Variants in PCDHGA11 observed in about 807,000 individuals in gnomAD.
PCDHGA11 encodes the protein protocadherin gamma subfamily A, 11, also known as protocadherin gamma-A11.
Under a neutral mutation model 60.4 loss-of-function variants are expected in PCDHGA11, and 39 were observed. The observed-to-expected ratio is 0.65, with a 90% CI of 0.50 to 0.84. The LOEUF is 0.84. PCDHGA11 is among the 40% of genes least tolerant of loss of function. PCDHGA11 has a pLI of 0.00. For synonymous variants in PCDHGA11, 533 were observed against 510.3 expected, an observed-to-expected ratio of 1.04 and a Z score of -0.60; for missense variants, 1,165 against 1,197.7, an observed-to-expected ratio of 0.97 and a Z score of 0.40.
In PCDHGA11 at chr5:141,491,607, T is replaced by G; in HGVS notation, c.2434-3200T>G. On this transcript the variant is annotated intron_variant, in intron 1 of 3. Coordinates refer to ENST00000398587, the MANE Select transcript of PCDHGA11 (RefSeq NM_018914.3). The surrounding 1 kb of genome is among the most constrained non-coding windows in gnomAD (Gnocchi z 6.9). ...CCTCGGACGGCAGTGACTTCACTTT[T>G]CTAAGACCCCTCAGCGTTCAGCAGC... 6.2e-7 allele frequency: 1 copy of G among 1,613,932 alleles called. No homozygotes were observed. The highest frequency in any genetic ancestry group is 1.1e-5 in the South Asian group (1 of 91,084).
chr5:141,427,294 A>G (rs1239553754), intron 1 of PCDHGA11: 6 of 456,876 alleles, frequency 1.3e-5, no homozygotes, highest in Non-Finnish European at 2.2e-5. Context: ...GAAATCCTAG[A>G]TGAGAATGAC....
At position 141,477,460 on chromosome 5, in the gene PCDHGA11, C is replaced by T; in HGVS notation, c.2434-17347C>T. 6.2e-7 allele frequency: 1 copy of T among 1,614,132 alleles called. No individual in the cohort carries two copies. Among genetic ancestry groups the T allele is most frequent in the Non-Finnish European group, 8.5e-7 (1 of 1,180,020 alleles). On this transcript the variant is annotated intron_variant, in intron 1 of 3. Transcript: ENST00000398587. The surrounding 1 kb of genome is among the most constrained non-coding windows in gnomAD (Gnocchi z 4.9). ...TTACAATAGTGCGTGTTCAAGTGTC[C>T]GACATCAATGACAACCCTCCACAAT...
chr5:141,476,071 T>A lies in PCDHGA11; in HGVS notation c.2434-18736T>A. On this transcript the variant is annotated intron_variant, in intron 1 of 3. Transcript: ENST00000398587. The surrounding 1 kb of genome is among the most constrained non-coding windows in gnomAD (Gnocchi z 7.6). ...CCGCTGAAAGTTTCTCAGCGAAATC[T>A]CAGGGACGATCTGGACCCCGCTGAG... 6.6e-7 allele frequency: 1 copy of A among 1,522,792 alleles called. No individual in the cohort carries two copies. The highest frequency in any genetic ancestry group is 8.8e-7 in the Non-Finnish European group (1 of 1,142,680). 94.3% of individuals were successfully genotyped at this position (1,522,792 alleles called of 1,614,324 possible).
intron 1 of PCDHGA11, among the ~76,000 whole-genome samples, chr5:141,481,794 A>C (rs1433830305): frequency 6.6e-6 from 1 of 152,136 alleles, no homozygotes; most frequent in East Asian, 1.9e-4. Context: ...TCTACTAAAA[A>C]TACAAAAATT....
At chr5:141,452,193 G>A (rs764434048) in intron 1 of PCDHGA11, among the ~76,000 whole-genome samples, 3 of 151,990 alleles carry the variant, frequency 2.0e-5, no homozygotes, top group Admixed American at 6.6e-5. Context: ...ACCTCAAATT[G>A]TTTTAGATGT....
Position 141,485,856 on chromosome 5 carries a change from T to C in PCDHGA11, c.2434-8951T>C. ...CCGCCGAGATCTGGCACCGCAGAGC[T>C]CCGGGTATCCGTGCTGGACGTAAAC... is the stretch of plus-strand genomic sequence containing the variant. On this transcript the variant is annotated intron_variant, in intron 1 of 3. Coordinates refer to ENST00000398587, the MANE Select transcript of PCDHGA11 (RefSeq NM_018914.3). The surrounding 1 kb of genome is among the most constrained non-coding windows in gnomAD (Gnocchi z 5.7). 1 of 1,614,108 alleles carries C rather than the reference T, an allele frequency of 6.2e-7. No individual in the cohort carries two copies. The highest frequency in any genetic ancestry group is 8.5e-7 in the Non-Finnish European group (1 of 1,180,014).
intron 1 of PCDHGA11, among the ~76,000 whole-genome samples, chr5:141,447,898 C>T (rs531933709): frequency 3.1e-3 from 465 of 152,088 alleles, no homozygotes; most frequent in Non-Finnish European, 5.5e-3. Context: ...CCAGCCTGGC[C>T]AACATGGTGA....
At position 141,511,519 on chromosome 5, in the gene PCDHGA11, C is replaced by A; in HGVS notation, c.*346C>A. On this transcript the variant is annotated 3_prime_UTR_variant, in exon 4 of 4. Transcript: ENST00000398587. ...CCAAATCAATCAGGCCCATCCATCC[C>A]ATGCCTCCCTCCTCCCCACCCCACT... 2.7e-6 allele frequency: 1 copy of A among 367,516 alleles called. No individual in the cohort carries two copies. The highest frequency in any genetic ancestry group is 2.7e-5 in the South Asian group (1 of 36,848). 22.8% of individuals were successfully genotyped at this position (367,516 alleles called of 1,614,324 possible). A position where few individuals can be genotyped will look rare whatever the true frequency, so the allele number is the denominator to read the frequency against.
At chr5:141,427,826 G>A (rs550161736) in intron 1 of PCDHGA11, 2 of 1,536,500 alleles carry the variant, frequency 1.3e-6, no homozygotes, top group Admixed American at 3.3e-5. Flanking sequence ...TGGTGGTCGC[G>A]CAGCGTGCCT....
At chr5:141,455,860 A>ATTAT (rs145569377) in intron 1 of PCDHGA11, among the ~76,000 whole-genome samples, 7,190 of 139,786 alleles carry the variant, frequency 0.051, 228 homozygotes, top group South Asian at 0.064. Context: ...AATTTCTTTT[A>ATTAT]TTATTTATTT....
At position 141,508,878 on chromosome 5, in the gene PCDHGA11, C is replaced by A. The variant is rs189735747; in HGVS notation, c.2582-2069C>A. The stretch of plus-strand genomic sequence containing the variant: ...GGCTGGGAAAGGCTGAAGAGGCTGA[C>A]GGCTGGAGGGGAGGGGGCGGGGCGG... On this transcript the variant is annotated intron_variant, in intron 3 of 3. Transcript: ENST00000398587. Among the ~76,000 whole-genome samples, 561 of 152,074 alleles carry A rather than the reference C, an allele frequency of 3.7e-3. 3 individuals carry two copies. The highest frequency in any genetic ancestry group is 0.012 in the African/African-American group (508 of 41,498).
intron 1 of PCDHGA11, chr5:141,430,896 G>A: frequency 6.2e-7 from 1 of 1,606,012 alleles, no homozygotes; most frequent in Admixed American, 1.7e-5. Context: ...TCTAGGGTGG[G>A]CGACATCTCC....
chr5:141,432,601 G>C lies in PCDHGA11; in HGVS notation c.2433+8941G>C. The C allele has an allele frequency of 6.2e-7, 1 of 1,613,952 alleles. No homozygotes were observed. The highest frequency in any genetic ancestry group is 8.5e-7 in the Non-Finnish European group (1 of 1,179,984). On this transcript the variant is annotated intron_variant, in intron 1 of 3. Coordinates refer to ENST00000398587, the MANE Select transcript of PCDHGA11 (RefSeq NM_018914.3). The surrounding 1 kb of genome is among the most constrained non-coding windows in gnomAD (Gnocchi z 6.0). ...ACCGTCTGCTCAAGGCCAGCGAGCC[G>C]GGACTCTTCTCGGTGGGTCTGCACA...
Position 141,459,563 on chromosome 5 carries a change from C to T in PCDHGA11, c.2434-35244C>T, listed in dbSNP as rs1382676727. On this transcript the variant is annotated intron_variant, in intron 1 of 3. Coordinates refer to ENST00000398587, the MANE Select transcript of PCDHGA11 (RefSeq NM_018914.3). ...TTTTATTTCTCTTGGATAAATACCCCAAAACAGAATTGTTTTGGGGGTCAT... is the reference window on the plus strand; with the variant it reads ...TTTTATTTCTCTTGGATAAATACCCTAAAACAGAATTGTTTTGGGGGTCAT... Among the ~76,000 whole-genome samples, 21 of 152,044 alleles carry T rather than the reference C, an allele frequency of 1.4e-4. 1 individual carries two copies.
At position 141,491,410 on chromosome 5, in the gene PCDHGA11, G is replaced by A. The variant is rs777207581; in HGVS notation, c.2434-3397G>A. The A allele has an allele frequency of 1.9e-6, 3 of 1,614,024 alleles. No homozygotes were observed. Among genetic ancestry groups the A allele is most frequent in the Admixed American group, 1.7e-5 (1 of 60,006 alleles). ...GTGCCTTCAGGGAAACGCAGACGGGGACGGGGGTGGAGGGCAGTGCTGCAG... is the reference window on the plus strand; with the variant it reads ...GTGCCTTCAGGGAAACGCAGACGGGAACGGGGGTGGAGGGCAGTGCTGCAG... On this transcript the variant is annotated intron_variant, in intron 1 of 3. Transcript: ENST00000398587. The surrounding 1 kb of genome is among the most constrained non-coding windows in gnomAD (Gnocchi z 6.9).
Position 141,421,895 on chromosome 5 carries a change from G to A in PCDHGA11, c.668G>A (p.Arg223Gln). ...LTALDGGDPI[R>Q]KGAVPIRVVV... Reference sequence around the variant, plus strand: ...GCTTTAGATGGAGGCGATCCCATCCGAAAGGGCGCAGTTCCCATTCGTGTG... The same window carrying A: ...GCTTTAGATGGAGGCGATCCCATCCAAAAGGGCGCAGTTCCCATTCGTGTG... Residue 223 changes from arginine to glutamine, a missense_variant, in exon 1 of 4, where the codon CGA becomes CAA. By Grantham distance (43) the Arg-to-Gln change is conservative. Transcript: ENST00000398587. 1 of 1,613,730 alleles carries A rather than the reference G, an allele frequency of 6.2e-7. No individual in the cohort carries two copies. Among genetic ancestry groups the A allele is most frequent in the African/African-American group, 1.3e-5 (1 of 75,044 alleles).
rs760086052 is a variant in PCDHGA11, at chr5:141,423,183, G to GCCCCCTCTCTCGGCCAC, written c.1958_1974dup (p.Val659ProfsTer90). 8 of 1,613,570 alleles carry GCCCCCTCTCTCGGCCAC rather than the reference G, an allele frequency of 5.0e-6. No individual in the cohort carries two copies. The highest frequency in any genetic ancestry group is 6.8e-6 in the Non-Finnish European group (8 of 1,179,976). ...TGGTGGCCGTCCAGGACCACGGCCA[G>GCCCCCTCTCTCGGCCAC]CCCCCTCTCTCGGCCACCGTCACGC... On this transcript the variant is annotated frameshift_variant, in exon 1 of 4. Coordinates refer to ENST00000398587, the MANE Select transcript of PCDHGA11 (RefSeq NM_018914.3). LOFTEE classifies it high-confidence loss of function.
chr5:141,487,455 A>G lies in PCDHGA11; in HGVS notation c.2434-7352A>G, dbSNP rs751456631. 6.2e-7 allele frequency: 1 copy of G among 1,614,122 alleles called. No individual in the cohort carries two copies. The highest frequency in any genetic ancestry group is 8.5e-7 in the Non-Finnish European group (1 of 1,180,032). On this transcript the variant is annotated intron_variant, in intron 1 of 3. Coordinates refer to ENST00000398587, the MANE Select transcript of PCDHGA11 (RefSeq NM_018914.3). The surrounding 1 kb of genome is among the most constrained non-coding windows in gnomAD (Gnocchi z 5.0). ...CAGCTAGGGTCAGATGACCCTATCA[A>G]GTTTGTTGATGTGGGAGGCCACTCT...
chr5:141,509,046 C>T (rs1442220429), intron 3 of PCDHGA11, among the ~76,000 whole-genome samples: 1 of 152,160 alleles, frequency 6.6e-6, no homozygotes, highest in Non-Finnish European at 1.5e-5. Flanking sequence ...CTCTCCCCCG[C>T]CCCCAGAAAG....
Sources: allele counts gnomAD v4.1 joint callset (sites outside exome capture counted in the v4.1 genomes callset), GRCh38; gene constraint gnomAD v4.1.1; non-coding constraint Gnocchi (gnomAD v3.1); transcripts MANE v1.5; gene names NCBI Gene and HGNC (gene_info 2026-07-23, HGNC 2026-07-21).